The following PHF2 variants were observed in gnomAD, a reference collection of about 807,000 sequenced individuals.
The protein encoded by PHF2 is PHD finger protein 2, also known as lysine-specific demethylase PHF2.
Under a neutral mutation model 120.5 loss-of-function variants are expected in PHF2, and 27 were observed. The ratio of observed to expected loss-of-function variants is 0.22; its 90% confidence interval spans 0.17 to 0.31. PHF2 has a LOEUF of 0.31. PHF2 is among the 10% of genes least tolerant of loss of function. The probability of loss-of-function intolerance (pLI) is 1.00; values close to 1 mark genes in which losing one functional copy is unlikely to be tolerated. For synonymous variants in PHF2, 568 were observed against 592.5 expected (o/e 0.96, Z 0.60); for missense variants, 1,024 against 1,434.8 (o/e 0.71, Z 4.63).
intron 1 of PHF2, among the ~76,000 whole-genome samples, chr9:93,606,384 G>T (rs1315086277): frequency 6.6e-6 from 1 of 152,178 alleles, no homozygotes; most frequent in African/African-American, 2.4e-5. Context: ...TCAGCATTTG[G>T]TGTTGTCTGT....
chr9:93,578,608 T>A (rs767196709), intron 1 of PHF2, among the ~76,000 whole-genome samples: 12 of 151,220 alleles, frequency 7.9e-5, no homozygotes, highest in African/African-American at 2.9e-4. Flanking sequence ...GTAGGGAGAG[T>A]GAGAGAACGC....
intron 4 of PHF2, among the ~76,000 whole-genome samples, chr9:93,646,570 A>G (rs1466235791): frequency 1.3e-5 from 2 of 152,184 alleles, no homozygotes; most frequent in African/African-American, 4.8e-5. Context: ...GGCTTCCGAG[A>G]CGACTGGCCC....
Position 93,656,111 on chromosome 9 carries a change from C to T in PHF2, c.1040+90C>T. The T allele has an allele frequency of 2.0e-6, 2 of 1,019,930 alleles. 1 individual carries two copies. Among genetic ancestry groups the T allele is most frequent in the South Asian group, 2.9e-5 (2 of 68,588 alleles). 63.2% of individuals were successfully genotyped at this position (1,019,930 alleles called of 1,614,324 possible). A position where few individuals can be genotyped will look rare whatever the true frequency, so the allele number is the denominator to read the frequency against. On this transcript the variant is annotated intron_variant, in intron 8 of 21. Coordinates refer to ENST00000359246, the MANE Select transcript of PHF2 (RefSeq NM_005392.4). The surrounding 1 kb of genome is among the most constrained non-coding windows in gnomAD (Gnocchi z 4.1). Reference sequence around the variant, plus strand: ...GGTGCTAGATGCCTTGGGCTGAGTCCTGGCACAGCCCGCCTGTGGGTGGCC... The same window carrying T: ...GGTGCTAGATGCCTTGGGCTGAGTCTTGGCACAGCCCGCCTGTGGGTGGCC...
intron 17 of PHF2, chr9:93,672,612 G>A (rs1826826121): frequency 1.0e-6 from 1 of 981,760 alleles, no homozygotes. Flanking sequence ...GTGGGTATGG[G>A]TGTAGGCACA....
chr9:93,671,740 A>G (rs1211087184), intron 17 of PHF2, among the ~76,000 whole-genome samples: 2 of 139,600 alleles, frequency 1.4e-5, no homozygotes, highest in Non-Finnish European at 3.1e-5. Flanking sequence ...GTGTGGATGT[A>G]GGTACAGGTG....
chr9:93,663,152 G>A, intron 13 of PHF2, 126 bp downstream of exon 13: 1 of 1,335,158 alleles, frequency 7.5e-7, no homozygotes, highest in Non-Finnish European at 1.0e-6. Context: ...TCCTGAGTAG[G>A]TAGTGCTGTG....
At chr9:93,663,760 C>G (rs1826623717) in intron 14 of PHF2, 125 bp downstream of exon 14, 3 of 554,150 alleles carry the variant, frequency 5.4e-6, no homozygotes, top group Non-Finnish European at 9.8e-6. Context: ...TGCATGCACT[C>G]TGCATCTCAC....
chr9:93,666,535 G>A (rs939134809), intron 16 of PHF2, among the ~76,000 whole-genome samples: 5 of 152,220 alleles, frequency 3.3e-5, no homozygotes, highest in Non-Finnish European at 5.9e-5. Flanking sequence ...TGGCACCCAC[G>A]TCTGCCCTGT....
At chr9:93,609,559 T>C (rs1332217915) in intron 1 of PHF2, among the ~76,000 whole-genome samples, 1 of 152,128 alleles carries the variant, frequency 6.6e-6, no homozygotes, top group Non-Finnish European at 1.5e-5. Flanking sequence ...GTTGGTTTTT[T>C]TTTTTTTCTT....
chr9:93,653,161 T>C lies in PHF2; in HGVS notation c.603-18T>C. The C allele has an allele frequency of 6.2e-7, 1 of 1,611,326 alleles. No homozygotes were observed. The highest frequency in any genetic ancestry group is 1.3e-5 in the African/African-American group (1 of 75,000). ...GGGAGTCCCAGGTTCCCTCACCACC[T>C]TCCTCTCCCACCCCTAGAATGTCCA... On this transcript the variant is annotated intron_variant, in intron 5 of 21. Transcript: ENST00000359246.
intron 3 of PHF2, among the ~76,000 whole-genome samples, 172 bp downstream of exon 3, chr9:93,636,697 C>G (rs1214872304): frequency 6.6e-6 from 1 of 152,220 alleles, no homozygotes; most frequent in African/African-American, 2.4e-5. Context: ...CAACCCAAAG[C>G]TCCCTGCAAA....
chr9:93,673,720 T>C lies in PHF2; in HGVS notation c.2484T>C (p.His828=). ...CCAAGGGGAGCTCGCTGGCTGCCCA[T>C]GGTGCCCGGAAGAATGGGGGTGGCA... ...GQAKGSSLAA[H]GARKNGGGSG... The change falls in exon 18 of 22, where the codon CAT becomes CAC. Residue 828 remains histidine (H), a synonymous_variant. Coordinates refer to ENST00000359246, the MANE Select transcript of PHF2 (RefSeq NM_005392.4). The C allele has an allele frequency of 6.2e-7, 1 of 1,613,256 alleles. No homozygotes were observed.
At position 93,598,878 on chromosome 9, in the gene PHF2, G is replaced by A. The variant is rs115112825; in HGVS notation, c.98+22007G>A. On this transcript the variant is annotated intron_variant, in intron 1 of 21. Transcript: ENST00000359246. ...CACCACATCCTGTAAGCCCCTCCCC[G>A]TAAGCCCCTCCCTTCCTGTTGGCCT... is the stretch of plus-strand genomic sequence containing the variant. Among the ~76,000 whole-genome samples, 354 of 152,154 alleles carry A rather than the reference G, an allele frequency of 2.3e-3. 2 individuals carry two copies. Among genetic ancestry groups the A allele is most frequent in the African/African-American group, 8.0e-3 (332 of 41,526 alleles).
Position 93,672,354 on chromosome 9 carries a change from G to A in PHF2, c.2349-1231G>A, listed in dbSNP as rs138959446. ...GATGCAGATGTGGGTGTGGGAGTAGGGTCAGGTGTAGATGCAGGTGTGAGT... is the reference window on the plus strand; with the variant it reads ...GATGCAGATGTGGGTGTGGGAGTAGAGTCAGGTGTAGATGCAGGTGTGAGT... On this transcript the variant is annotated intron_variant, in intron 17 of 21. Coordinates refer to ENST00000359246, the MANE Select transcript of PHF2 (RefSeq NM_005392.4). 1.6e-3 allele frequency: 1,512 copies of A among 940,370 alleles called. 16 individuals are homozygous for A. The highest frequency in any genetic ancestry group is 9.6e-3 in the Admixed American group (153 of 15,896). The allele number at this position is 940,370 out of a possible 1,614,324, so 58.3% of individuals were successfully genotyped here. A position where few individuals can be genotyped will look rare whatever the true frequency, so the allele number is the denominator to read the frequency against.
intron 1 of PHF2, among the ~76,000 whole-genome samples, chr9:93,621,224 C>A (rs1411531489): frequency 6.6e-6 from 1 of 152,242 alleles, no homozygotes; most frequent in Non-Finnish European, 1.5e-5. Context: ...CCCCCACAAC[C>A]CTGGTGGGCG....
At chr9:93,594,144 C>A (rs1242138934) in intron 1 of PHF2, among the ~76,000 whole-genome samples, 1 of 151,854 alleles carries the variant, frequency 6.6e-6, no homozygotes, top group Non-Finnish European at 1.5e-5. Context: ...CTCACCCTTC[C>A]GGAGATATCT....
intron 1 of PHF2, among the ~76,000 whole-genome samples, chr9:93,587,900 C>T (rs1003116980): frequency 1.3e-5 from 2 of 152,182 alleles, no homozygotes; most frequent in Non-Finnish European, 2.9e-5. Flanking sequence ...CCCCTGTCTG[C>T]TGGGTAGCCC....
At chr9:93,591,431 C>T (rs886115717) in intron 1 of PHF2, among the ~76,000 whole-genome samples, 2 of 152,178 alleles carry the variant, frequency 1.3e-5, no homozygotes, top group Admixed American at 6.5e-5. Flanking sequence ...CCTTGCTGCA[C>T]GGGCACCTGC....
At chr9:93,590,017 A>G (rs1032107581) in intron 1 of PHF2, among the ~76,000 whole-genome samples, 4 of 152,204 alleles carry the variant, frequency 2.6e-5, no homozygotes. Context: ...CTCCCTGGCT[A>G]TCCTGGTCTG....
Sources: allele counts gnomAD v4.1 joint callset (sites outside exome capture counted in the v4.1 genomes callset), GRCh38; gene constraint gnomAD v4.1.1; non-coding constraint Gnocchi (gnomAD v3.1); transcripts MANE v1.5; gene names NCBI Gene and HGNC (gene_info 2026-07-23, HGNC 2026-07-21).